The following KLF7 variants were observed in gnomAD, a reference collection of about 807,000 sequenced individuals.
KLF7 encodes Krueppel-like factor 7.
A neutral mutation model predicts 27.3 loss-of-function variants in KLF7; 2 were observed. That is an observed-to-expected ratio of 0.07 (90% CI 0.03 to 0.23). The LOEUF (loss-of-function observed/expected upper bound fraction) is 0.23. Among genes scored for constraint, KLF7 ranks in the 10% least tolerant of loss-of-function variants. The pLI is 1.00. For missense variants in KLF7, 221 were observed against 394.1 expected, an observed-to-expected ratio of 0.56 and a Z score of 3.72; for synonymous variants, 165 against 162.4, an observed-to-expected ratio of 1.02 and a Z score of -0.12.
At chr2:207,116,392 C>T (rs549896151) in intron 2 of KLF7, among the ~76,000 whole-genome samples, 7 of 152,270 alleles carry the variant, frequency 4.6e-5, no homozygotes, top group African/African-American at 1.7e-4. Context: ...CCATTCAAAA[C>T]CAATTTGTTT....
Position 207,165,769 on chromosome 2 carries a change from G to C in KLF7, c.-201C>G. 1 of 1,434,154 alleles carries C rather than the reference G, an allele frequency of 7.0e-7. No individual in the cohort carries two copies. Among genetic ancestry groups the C allele is most frequent in the Non-Finnish European group, 9.1e-7 (1 of 1,100,156 alleles). The allele number at this position is 1,434,154 out of a possible 1,614,324, so 88.8% of individuals were successfully genotyped here. The stretch of plus-strand genomic sequence containing the variant: ...GAGAGGAGGTGAGAGAGGAGCGAGT[G>C]AGTGGGGTGGATGGAGAGAGGCATC... On this transcript the variant is annotated 5_prime_UTR_variant, in exon 1 of 4. Coordinates refer to ENST00000309446, the MANE Select transcript of KLF7 (RefSeq NM_003709.4).
upstream of KLF7, chr2:207,166,702 C>T (rs1020294476): frequency 4.1e-6 from 3 of 729,034 alleles, no homozygotes; most frequent in African/African-American, 5.8e-5. Flanking sequence ...CCCGCCTCCG[C>T]CTGGGCACGG....
At chr2:207,138,987 C>T (rs1174606235) in intron 1 of KLF7, among the ~76,000 whole-genome samples, 1 of 152,140 alleles carries the variant, frequency 6.6e-6, no homozygotes, top group African/African-American at 2.4e-5. Context: ...GAAAATGGCG[C>T]CTACACTATC....
At position 207,076,531 on chromosome 2, in the gene KLF7, C is replaced by T. The variant is rs1221370093; in HGVS notation, c.*4682G>A. Reference sequence around the variant, plus strand: ...TTTTCTGGGATCTATTAGGAACCAACAGAGGAGATTTAAGAGTGTTAAAAG... The same window carrying T: ...TTTTCTGGGATCTATTAGGAACCAATAGAGGAGATTTAAGAGTGTTAAAAG... On this transcript the variant is annotated 3_prime_UTR_variant, in exon 4 of 4. Transcript: ENST00000309446. The T allele has an allele frequency of 5.3e-5, 8 of 152,114 alleles. No homozygotes were observed. The highest frequency in any genetic ancestry group is 1.2e-4 in the Non-Finnish European group (8 of 68,020). 9.4% of individuals were successfully genotyped at this position (152,114 alleles called of 1,614,324 possible). A position where few individuals can be genotyped will look rare whatever the true frequency, so the allele number is the denominator to read the frequency against.
chr2:207,098,652 A>C (rs974030904), intron 2 of KLF7, among the ~76,000 whole-genome samples: 31 of 151,644 alleles, frequency 2.0e-4, no homozygotes, highest in Non-Finnish European at 2.9e-5. Context: ...TTAGAGACAG[A>C]GTCTCACTCT....
chr2:207,138,466 C>T (rs1468567709), intron 1 of KLF7, among the ~76,000 whole-genome samples: 2 of 152,172 alleles, frequency 1.3e-5, no homozygotes, highest in Non-Finnish European at 2.9e-5. Context: ...AGGTCTCAAT[C>T]ATCTCAGCCA....
intron 2 of KLF7, among the ~76,000 whole-genome samples, chr2:207,099,945 T>C (rs114502649): frequency 0.05 from 7,537 of 152,060 alleles, 270 homozygotes; most frequent in Middle Eastern, 0.092. Context: ...GCCCAGGCAA[T>C]GTGGTAGGTC....
At chr2:207,089,970 C>T (rs935331360) in intron 2 of KLF7, among the ~76,000 whole-genome samples, 1 of 152,166 alleles carries the variant, frequency 6.6e-6, no homozygotes, top group Non-Finnish European at 1.5e-5. Context: ...AGGTACTATA[C>T]TTGACCTACT....
chr2:207,085,693 T>A (rs1574417037), intron 3 of KLF7, among the ~76,000 whole-genome samples: 1 of 152,142 alleles, frequency 6.6e-6, no homozygotes, highest in African/African-American at 2.4e-5. Context: ...CCACTTCCGA[T>A]AAGGCATGGA....
chr2:207,081,660 G>A (rs1038485973), intron 3 of KLF7, among the ~76,000 whole-genome samples: 7 of 152,064 alleles, frequency 4.6e-5, no homozygotes, highest in Non-Finnish European at 1.5e-5. Flanking sequence ...AAAGAAGAAT[G>A]GGAAAGTGCT....
chr2:207,130,577 T>G (rs1255141890), intron 1 of KLF7, among the ~76,000 whole-genome samples: 1 of 152,152 alleles, frequency 6.6e-6, no homozygotes, highest in Non-Finnish European at 1.5e-5. Flanking sequence ...TCTGAAAAAA[T>G]GAGCTAGAAT....
In KLF7 at chr2:207,077,161, G is replaced by C. The variant is rs1235066642; in HGVS notation, c.*4052C>G. 1 of 152,142 alleles carries C rather than the reference G, an allele frequency of 6.6e-6. No homozygotes were observed. Among genetic ancestry groups the C allele is most frequent in the Admixed American group, 6.5e-5 (1 of 15,284 alleles). 9.4% of individuals were successfully genotyped at this position (152,142 alleles called of 1,614,324 possible). A position where few individuals can be genotyped will look rare whatever the true frequency, so the allele number is the denominator to read the frequency against. ...GGAAACCATTTTGAACCATCAAAAC[G>C]AGTCACTGGGTTTTGTTCTTGCAAC... On this transcript the variant is annotated 3_prime_UTR_variant, in exon 4 of 4. Coordinates refer to ENST00000309446, the MANE Select transcript of KLF7 (RefSeq NM_003709.4).
chr2:207,075,359 A>G lies in KLF7; in HGVS notation c.*5854T>C, dbSNP rs1007967703. The G allele has an allele frequency of 6.7e-6, 1 of 149,438 alleles. No homozygotes were observed. The highest frequency in any genetic ancestry group is 2.4e-5 in the African/African-American group (1 of 41,064). The allele number at this position is 149,438 out of a possible 1,614,324, so 9.3% of individuals were successfully genotyped here. A position where few individuals can be genotyped will look rare whatever the true frequency, so the allele number is the denominator to read the frequency against. On this transcript the variant is annotated 3_prime_UTR_variant, in exon 4 of 4. Coordinates refer to ENST00000309446, the MANE Select transcript of KLF7 (RefSeq NM_003709.4). ...AAGTAATATATTTATATATATATAT[A>G]TATAAAAAGCTTAAAAAAAATAAAA...
chr2:207,148,979 TA>T, intron 1 of KLF7: 1 of 1,136,240 alleles, frequency 8.8e-7, no homozygotes, highest in African/African-American at 1.6e-5. Flanking sequence ...ACCCAGTCAT[TA>T]CCTGTGTCAT....
In KLF7 at chr2:207,120,790, T is replaced by C. The variant is rs377373869; in HGVS notation, c.733+2984A>G. 1.3e-4 allele frequency: 20 copies of C among 152,368 alleles called. No homozygotes were observed. The East Asian group carries it at 2.3e-3, about 18-fold the overall frequency. 9.4% of individuals were successfully genotyped at this position (152,368 alleles called of 1,614,324 possible). On this transcript the variant is annotated intron_variant, in intron 2 of 3. Transcript: ENST00000309446. ...TTGCCCTCGAGCTTTTACCAGTCCA[T>C]TTCCTTTATATGTTTGCACTTAATT...
intron 3 of KLF7, among the ~76,000 whole-genome samples, chr2:207,086,756 A>T (rs1354899862): frequency 6.6e-6 from 1 of 152,218 alleles, no homozygotes; most frequent in Non-Finnish European, 1.5e-5. Flanking sequence ...ATTTCCCCAT[A>T]AGAACTCTTT....
At chr2:207,099,970 A>G (rs969306504) in intron 2 of KLF7, among the ~76,000 whole-genome samples, 2 of 152,094 alleles carry the variant, frequency 1.3e-5, no homozygotes, top group African/African-American at 2.4e-5. Flanking sequence ...TCTCTACAAA[A>G]AATTAAAAAA....
chr2:207,137,464 C>T (rs887174327), intron 1 of KLF7, among the ~76,000 whole-genome samples: 1 of 152,188 alleles, frequency 6.6e-6, no homozygotes, highest in Admixed American at 6.5e-5. Flanking sequence ...TTCCTTCCCT[C>T]CCACTCCCTT....
At chr2:207,154,542 C>T (rs187768741) in intron 1 of KLF7, among the ~76,000 whole-genome samples, 1 of 152,302 alleles carries the variant, frequency 6.6e-6, no homozygotes, top group East Asian at 1.9e-4. Context: ...ATATCCAATG[C>T]CCAGCATTCC....
Sources: gnomAD v4.1 joint callset for allele counts (sites outside exome capture counted in the v4.1 genomes callset) on GRCh38, gnomAD v4.1.1 for gene constraint, MANE v1.5 for transcripts, NCBI Gene and HGNC (gene_info 2026-07-23, HGNC 2026-07-21) for gene names.